Variants in SBF2 observed in about 807,000 individuals in gnomAD.
SBF2 encodes the protein myotubularin-related protein 13.
SBF2 carries 112 observed loss-of-function variants against 225.2 expected under a neutral mutation model. The observed-to-expected ratio is 0.50, with a 90% CI of 0.43 to 0.58. SBF2 has a LOEUF of 0.58. Ranked by LOEUF, SBF2 falls within the 20% of genes least tolerant of loss-of-function variation. The pLI is 0.00. For synonymous variants in SBF2, 763 were observed against 773.3 expected, an observed-to-expected ratio of 0.99 and a Z score of 0.22; for missense variants, 1,996 against 2,206.2, an observed-to-expected ratio of 0.90 and a Z score of 1.91.
intron 2 of SBF2, among the ~76,000 whole-genome samples, chr11:10,169,983 T>C (rs1956123345): frequency 6.6e-6 from 1 of 152,218 alleles, no homozygotes; most frequent in Admixed American, 6.5e-5. Flanking sequence ...TGTCTTCCTT[T>C]GAGAAATGTC....
chr11:9,881,475 G>A (rs755547068), intron 17 of SBF2, among the ~76,000 whole-genome samples: 22 of 152,212 alleles, frequency 1.4e-4, no homozygotes, highest in Admixed American at 5.2e-4. Flanking sequence ...TACAGAGAGA[G>A]TTAAGCTATA....
intron 17 of SBF2, among the ~76,000 whole-genome samples, chr11:9,889,750 A>G (rs1427961774): frequency 6.6e-6 from 1 of 152,186 alleles, no homozygotes; most frequent in Non-Finnish European, 1.5e-5. Context: ...AAGAACATAT[A>G]TTGTATGATT....
chr11:10,088,708 T>C (rs1187915358), intron 2 of SBF2, among the ~76,000 whole-genome samples: 1 of 152,208 alleles, frequency 6.6e-6, no homozygotes, highest in Non-Finnish European at 1.5e-5. Context: ...AAGGTATTAA[T>C]CTATTTTTGA....
chr11:9,973,273 C>T lies in SBF2; in HGVS notation c.1396-4728G>A, dbSNP rs147833220. Reference sequence around the variant, plus strand: ...TTTGGACTGGTCCCTTGAACGTCACCAAGCTCATTAAAAGCTACAGCCAAA... The same window carrying T: ...TTTGGACTGGTCCCTTGAACGTCACTAAGCTCATTAAAAGCTACAGCCAAA... On this transcript the variant is annotated intron_variant, in intron 13 of 39. Transcript: ENST00000256190. 3.8e-3 allele frequency among the ~76,000 whole-genome samples: 583 copies of T among 152,300 alleles called. 3 individuals are homozygous for T. The highest frequency in any genetic ancestry group is 0.011 in the African/African-American group (464 of 41,570).
intron 2 of SBF2, among the ~76,000 whole-genome samples, chr11:10,108,966 C>A (rs569746648): frequency 6.6e-6 from 1 of 152,124 alleles, no homozygotes; most frequent in South Asian, 2.1e-4. Context: ...ATGGTGCAGA[C>A]TAAAGGAGGA....
At chr11:9,845,440 G>T in intron 24 of SBF2, 125 bp downstream of exon 24, 1 of 913,560 alleles carries the variant, frequency 1.1e-6, no homozygotes, top group Non-Finnish European at 1.8e-6. Context: ...GGCCCCATGG[G>T]CTTGACAGAA....
At chr11:10,282,256 ATTTAG>A (rs1031582679) in intron 1 of SBF2, among the ~76,000 whole-genome samples, 3 of 152,050 alleles carry the variant, frequency 2.0e-5, no homozygotes, top group African/African-American at 7.2e-5. Flanking sequence ...GACTACTCCT[ATTTAG>A]TTTCCAGGCT....
At chr11:9,890,305 T>G (rs1860692561) in intron 17 of SBF2, among the ~76,000 whole-genome samples, 1 of 152,208 alleles carries the variant, frequency 6.6e-6, no homozygotes, top group Admixed American at 6.5e-5. Flanking sequence ...AACACTAAAA[T>G]TACTAATACA....
chr11:10,248,586 G>T (rs533556799), intron 1 of SBF2, among the ~76,000 whole-genome samples: 1 of 152,062 alleles, frequency 6.6e-6, no homozygotes, highest in Non-Finnish European at 1.5e-5. Context: ...AAATGCTAAG[G>T]GTTAACAGTG....
At chr11:9,803,444 T>A (rs1056945288) in intron 32 of SBF2, among the ~76,000 whole-genome samples, 2 of 152,168 alleles carry the variant, frequency 1.3e-5, no homozygotes, top group African/African-American at 4.8e-5. Context: ...ACAGGTTACC[T>A]TCCAGCATCT....
chr11:10,181,225 GC>G (rs774554893), intron 2 of SBF2, among the ~76,000 whole-genome samples: 1 of 151,944 alleles, frequency 6.6e-6, no homozygotes, highest in African/African-American at 2.4e-5. Context: ...TTTTAGAAAA[GC>G]TTTAGCAGAG....
At chr11:9,948,528 T>C (rs922184676) in intron 16 of SBF2, among the ~76,000 whole-genome samples, 2 of 152,214 alleles carry the variant, frequency 1.3e-5, no homozygotes, top group Non-Finnish European at 2.9e-5. Flanking sequence ...CCTTCTTATA[T>C]TTTCCTTGCC....
At chr11:9,910,279 T>C (rs554346830) in intron 16 of SBF2, among the ~76,000 whole-genome samples, 67 of 152,320 alleles carry the variant, frequency 4.4e-4, no homozygotes, top group Non-Finnish European at 7.2e-4. Flanking sequence ...GAGCACAGTG[T>C]AACACATTAC....
intron 2 of SBF2, among the ~76,000 whole-genome samples, chr11:10,143,115 C>T (rs988244762): frequency 2.6e-5 from 4 of 152,152 alleles, no homozygotes; most frequent in Non-Finnish European, 4.4e-5. Context: ...AATATTGATA[C>T]GGTGGGCCCC....
chr11:10,146,737 T>G (rs1208269772), intron 2 of SBF2, among the ~76,000 whole-genome samples: 1 of 151,986 alleles, frequency 6.6e-6, no homozygotes, highest in Admixed American at 6.6e-5. Flanking sequence ...CTAATTAAAC[T>G]AAAGAGCTTC....
intron 28 of SBF2, among the ~76,000 whole-genome samples, chr11:9,821,198 C>T (rs191139364): frequency 2.3e-4 from 35 of 152,210 alleles, no homozygotes; most frequent in Admixed American, 5.9e-4. Context: ...CATGTTTATT[C>T]TCGTATCCAT....
intron 20 of SBF2, among the ~76,000 whole-genome samples, chr11:9,853,010 T>A (rs1409969777): frequency 3.9e-5 from 6 of 152,122 alleles, no homozygotes; most frequent in Admixed American, 3.9e-4. Context: ...AACTCAAATG[T>A]CCATCAACAG....
chr11:10,005,477 T>C (rs1948150939), intron 6 of SBF2, among the ~76,000 whole-genome samples: 1 of 152,178 alleles, frequency 6.6e-6, no homozygotes, highest in Non-Finnish European at 1.5e-5. Context: ...TCAAGTTGTC[T>C]GCTTGGCCCT....
chr11:10,090,764 C>CAAAAAAAAAAAAAAAAAAAAAAAAAAA (rs201577494), intron 2 of SBF2, among the ~76,000 whole-genome samples: 1 of 44,428 alleles, frequency 2.3e-5, no homozygotes, highest in African/African-American at 8.9e-5. Flanking sequence ...GATTCCATCT[C>CAAAAAAAAAAAAAAAAAAAAAAAAAAA]AAAAAAAAAA....
Sources: allele counts gnomAD v4.1 joint callset (sites outside exome capture counted in the v4.1 genomes callset), GRCh38; gene constraint gnomAD v4.1.1; transcripts MANE v1.5; gene names NCBI Gene and HGNC (gene_info 2026-07-23, HGNC 2026-07-21).